Variants in AVL9 observed in about 807,000 individuals in gnomAD.
The protein encoded by AVL9 is AVL9 cell migration associated.
A neutral mutation model predicts 79.2 loss-of-function variants in AVL9; 49 were observed. The ratio of observed to expected loss-of-function variants is 0.62; its 90% confidence interval spans 0.49 to 0.79. AVL9 has a LOEUF of 0.79. AVL9 is among the 30% of genes least tolerant of loss of function. The pLI, the probability that AVL9 is intolerant of heterozygous loss-of-function variation, is 0.00. For missense variants in AVL9, 682 were observed against 776.8 expected (o/e 0.88, Z 1.45); for synonymous variants, 299 against 280.6 (o/e 1.07, Z -0.65).
chr7:32,570,722 C>G (rs1790796161), intron 11 of AVL9, among the ~76,000 whole-genome samples: 1 of 151,112 alleles, frequency 6.6e-6, no homozygotes, highest in Non-Finnish European at 1.5e-5. Context: ...TGGGTTCAAG[C>G]AATTCTTCTG....
chr7:32,524,345 G>T (rs139289695), intron 1 of AVL9, among the ~76,000 whole-genome samples: 1 of 151,904 alleles, frequency 6.6e-6, no homozygotes, highest in Non-Finnish European at 1.5e-5. Context: ...GCAAAACCCC[G>T]TCTCTACTAA....
rs1266059322 is a variant in AVL9, at chr7:32,584,912, GA to G, written c.*1006del. 2 of 151,792 alleles carry G rather than the reference GA, an allele frequency of 1.3e-5. No homozygotes were observed. The highest frequency in any genetic ancestry group is 2.9e-5 in the Non-Finnish European group (2 of 68,090). The allele number at this position is 151,792 out of a possible 1,614,324, so 9.4% of individuals were successfully genotyped here. ...AGCCTCCCAAGTAGCTGGGATTATGGACATGCGCCACCATGCCCAGCTAATT... is the reference window on the plus strand; with the variant it reads ...AGCCTCCCAAGTAGCTGGGATTATGGCATGCGCCACCATGCCCAGCTAATT... On this transcript the variant is annotated 3_prime_UTR_variant, in exon 16 of 16. Coordinates refer to ENST00000318709, the MANE Select transcript of AVL9 (RefSeq NM_015060.3).
At chr7:32,573,110 C>A in intron 11 of AVL9, 89 bp from the exon 12 acceptor site, 1 of 992,232 alleles carries the variant, frequency 1.0e-6, no homozygotes, top group Non-Finnish European at 1.5e-6. Context: ...TTATTTCCAG[C>A]TCCACCTTCC....
chr7:32,511,156 C>T (rs1310341864), intron 1 of AVL9, among the ~76,000 whole-genome samples: 1 of 147,754 alleles, frequency 6.8e-6, no homozygotes, highest in Non-Finnish European at 1.5e-5. Context: ...TGTAGGAGTC[C>T]ACAGTCCTGG....
rs767323730 is a variant in AVL9 at position 32,501,992 on chromosome 7, A to T, written c.93+6190A>T. Among the ~76,000 whole-genome samples, 4 of 152,068 alleles carry T rather than the reference A, an allele frequency of 2.6e-5. 1 individual carries two copies. In the South Asian group the frequency reaches 8.3e-4, roughly 32 times the overall value. On this transcript the variant is annotated intron_variant, in intron 1 of 15. Transcript: ENST00000318709. ...GTTCTCCCTAGGATATTTTTAGAGG[A>T]TATTATCTAAGCTGATATTTTTGGC... is the stretch of plus-strand genomic sequence containing the variant.
In AVL9 at chr7:32,586,512, A is replaced by C. The variant is rs568377945; in HGVS notation, c.*2605A>C. On this transcript the variant is annotated 3_prime_UTR_variant, in exon 16 of 16. Transcript: ENST00000318709. ...CTTCAGGCTTGGATTCTAGGCTCCA[A>C]GTGGCCAGCATAGAAGCAGCAGCCT... 6.7e-6 allele frequency: 1 copy of C among 150,110 alleles called. No individual in the cohort carries two copies. The highest frequency in any genetic ancestry group is 6.7e-5 in the Admixed American group (1 of 15,032). 9.3% of individuals were successfully genotyped at this position (150,110 alleles called of 1,614,324 possible).
intron 13 of AVL9, among the ~76,000 whole-genome samples, chr7:32,579,565 TATATTATATTA>T (rs1562802389): frequency 0.37 from 3,487 of 9,398 alleles, 1,560 homozygotes; most frequent in Non-Finnish European, 0.42. Flanking sequence ...TATTATATTA[TATATTATATTA>T]TATATTATAT....
At chr7:32,583,638 C>T (rs1817046) in intron 15 of AVL9, among the ~76,000 whole-genome samples, 154 bp from the exon 16 acceptor site, 76,458 of 152,112 alleles carry the variant, frequency 0.5, 20,958 homozygotes, top group Admixed American at 0.65. Flanking sequence ...GTGACCACTG[C>T]ACTGCACTCC....
chr7:32,584,612 T>C lies in AVL9; in HGVS notation c.*705T>C, dbSNP rs1205382812. 2.0e-5 allele frequency: 3 copies of C among 152,244 alleles called. No individual in the cohort carries two copies. Among genetic ancestry groups the C allele is most frequent in the Non-Finnish European group, 4.4e-5 (3 of 68,246 alleles). 9.4% of individuals were successfully genotyped at this position (152,244 alleles called of 1,614,324 possible). ...GTGGGTGTGCAGAGAAATAGCAGAG[T>C]GATGGTTCGATGATACTGAAGCAGT... On this transcript the variant is annotated 3_prime_UTR_variant, in exon 16 of 16. Transcript: ENST00000318709.
At chr7:32,519,525 G>A (rs1788051498) in intron 1 of AVL9, among the ~76,000 whole-genome samples, 1 of 151,922 alleles carries the variant, frequency 6.6e-6, no homozygotes, top group Non-Finnish European at 1.5e-5. Context: ...TCTTTGGTAA[G>A]ATTAATTTGG....
chr7:32,561,933 G>A (rs1204583630), intron 10 of AVL9, among the ~76,000 whole-genome samples: 1 of 152,188 alleles, frequency 6.6e-6, no homozygotes, highest in East Asian at 1.9e-4. Context: ...GACAGGGGAA[G>A]AGACAGGAAT....
chr7:32,569,312 C>G (rs956400113), intron 10 of AVL9, among the ~76,000 whole-genome samples: 1 of 152,180 alleles, frequency 6.6e-6, no homozygotes, highest in Admixed American at 6.5e-5. Context: ...AATTGCATAT[C>G]TTCCTTCAGT....
chr7:32,496,237 A>G (rs542951542), intron 1 of AVL9, among the ~76,000 whole-genome samples: 1 of 152,180 alleles, frequency 6.6e-6, no homozygotes, highest in Admixed American at 6.5e-5. Flanking sequence ...CTTGCATACT[A>G]ATGCTTCAGG....
rs373894203 is a variant in AVL9 at position 32,584,808 on chromosome 7, C to T, written c.*901C>T. On this transcript the variant is annotated 3_prime_UTR_variant, in exon 16 of 16. Coordinates refer to ENST00000318709, the MANE Select transcript of AVL9 (RefSeq NM_015060.3). ...GGGGGGGGGCGGGGTCTCACTCTAT[C>T]GCCCAGGCTGGAGTGCAGTGGTGCC... 7.4e-6 allele frequency: 1 copy of T among 134,284 alleles called. No individual in the cohort carries two copies. The highest frequency in any genetic ancestry group is 2.9e-5 in the African/African-American group (1 of 34,396). The allele number at this position is 134,284 out of a possible 1,614,324, so 8.3% of individuals were successfully genotyped here.
At chr7:32,517,595 C>T (rs1038095608) in intron 1 of AVL9, among the ~76,000 whole-genome samples, 5 of 151,996 alleles carry the variant, frequency 3.3e-5, no homozygotes, top group South Asian at 2.1e-4. Context: ...TTAGCCACCA[C>T]GCCTGGCTGA....
chr7:32,511,558 C>T (rs1005267799), intron 1 of AVL9, among the ~76,000 whole-genome samples: 4 of 151,526 alleles, frequency 2.6e-5, no homozygotes, highest in East Asian at 1.9e-4. Context: ...ATGAGGAGGG[C>T]GAGGGGGAAA....
intron 10 of AVL9, among the ~76,000 whole-genome samples, chr7:32,562,012 C>T (rs936274963): frequency 6.6e-6 from 1 of 152,104 alleles, no homozygotes; most frequent in Non-Finnish European, 1.5e-5. Context: ...GGGCGTGGTT[C>T]GTGTCACTCA....
chr7:32,503,300 AC>A (rs1787225503), intron 1 of AVL9, among the ~76,000 whole-genome samples: 2 of 146,364 alleles, frequency 1.4e-5, no homozygotes, highest in Admixed American at 1.4e-4. Flanking sequence ...ACATGGTGAA[AC>A]CCCCATCTCT....
In AVL9 at chr7:32,588,413, G is replaced by A. The variant is rs1320588404; in HGVS notation, c.*4506G>A. 6.6e-6 allele frequency: 1 copy of A among 152,090 alleles called. No homozygotes were observed. Among genetic ancestry groups the A allele is most frequent in the Non-Finnish European group, 1.5e-5 (1 of 68,030 alleles). The allele number at this position is 152,090 out of a possible 1,614,324, so 9.4% of individuals were successfully genotyped here. ...TAATGAGTTGGTGAAGGCATTTAGT[G>A]GTTACAAAAACAGTTTAAATATTTA... On this transcript the variant is annotated 3_prime_UTR_variant, in exon 16 of 16. Coordinates refer to ENST00000318709, the MANE Select transcript of AVL9 (RefSeq NM_015060.3).
Sources: allele counts gnomAD v4.1 joint callset (sites outside exome capture counted in the v4.1 genomes callset), GRCh38; gene constraint gnomAD v4.1.1; transcripts MANE v1.5; gene names NCBI Gene and HGNC (gene_info 2026-07-23, HGNC 2026-07-21).